PARM1: variants seen among roughly 807,000 people sequenced by gnomAD.
PARM1 encodes prostate androgen-regulated mucin-like protein 1.
A neutral mutation model predicts 24.6 loss-of-function variants in PARM1; 14 were observed. The observed-to-expected ratio is 0.57, with a 90% CI of 0.38 to 0.89. The LOEUF is 0.89. Among genes scored for constraint, PARM1 ranks in the 40% least tolerant of loss-of-function variants. PARM1 has a pLI of 0.00. For synonymous variants in PARM1, 179 were observed against 156.6 expected (o/e 1.14, Z -1.07); for missense variants, 362 against 380.4 (o/e 0.95, Z 0.40).
chr4:74,996,305 A>T (rs1722575573), intron 1 of PARM1, among the ~76,000 whole-genome samples: 1 of 152,174 alleles, frequency 6.6e-6, no homozygotes, highest in African/African-American at 2.4e-5. Context: ...TTTATTCCCA[A>T]CAATTAGCAT....
chr4:74,933,706 A>G (rs1721116942), intron 1 of PARM1, among the ~76,000 whole-genome samples: 1 of 152,168 alleles, frequency 6.6e-6, no homozygotes, highest in African/African-American at 2.4e-5. Flanking sequence ...AGGGTTTCGG[A>G]GCGCACTCTG....
rs963338676 is a variant in PARM1, at chr4:75,012,548, C to T, written c.167C>T (p.Pro56Leu). Reference sequence around the variant, plus strand: ...AACACTGATGCAGACACTGCCTCCCCATCCAACGGCACTCACAACAACTCG... The same window carrying T: ...AACACTGATGCAGACACTGCCTCCCTATCCAACGGCACTCACAACAACTCG... ...PQNTDADTAS[P>L]SNGTHNNSVL... is the part of the protein sequence containing the mutation. The change falls in exon 2 of 4, where the codon CCA becomes CTA. Residue 56 changes from proline to leucine, a missense_variant. Physicochemically the swap from Pro to Leu is moderately conservative, Grantham distance 98. Transcript: ENST00000307428. 5 of 1,613,804 alleles carry T rather than the reference C, an allele frequency of 3.1e-6. No homozygotes were observed. The highest frequency in any genetic ancestry group is 3.4e-6 in the Non-Finnish European group (4 of 1,179,890).
intron 1 of PARM1, among the ~76,000 whole-genome samples, chr4:74,995,212 C>T (rs879211934): frequency 6.6e-6 from 1 of 152,118 alleles, no homozygotes; most frequent in Admixed American, 6.5e-5. Context: ...AAGAGAGTGA[C>T]ATTATGAAAG....
At chr4:75,014,640 A>G (rs1486127806) in intron 2 of PARM1, among the ~76,000 whole-genome samples, 1 of 152,160 alleles carries the variant, frequency 6.6e-6, no homozygotes, top group Non-Finnish European at 1.5e-5. Flanking sequence ...ATATGCAGCA[A>G]GAAGCCAAGA....
intron 3 of PARM1, among the ~76,000 whole-genome samples, chr4:75,038,949 C>G (rs1723421538): frequency 6.6e-6 from 1 of 152,210 alleles, no homozygotes; most frequent in African/African-American, 2.4e-5. Context: ...AAAATAAATG[C>G]AGTCTTGATT....
At chr4:75,029,100 G>A (rs1160866110) in intron 2 of PARM1, among the ~76,000 whole-genome samples, 2 of 152,110 alleles carry the variant, frequency 1.3e-5, no homozygotes, top group African/African-American at 4.8e-5. Context: ...GTGGCGTGCG[G>A]GCCCATGGGG....
rs1722887165 is a variant in PARM1 at position 75,012,437 on chromosome 4, A to G, written c.56A>G (p.Gln19Arg). ...GGCTTTTCCACAGGATGGAGGGTAC[A>G]GAGTCTGCCTACATCAGCTCCTTTG... is the stretch of plus-strand genomic sequence containing the variant. ...LCILTAGWRV[Q>R]SLPTSAPLSV... Residue 19 changes from glutamine to arginine, a missense_variant, in exon 2 of 4, where the codon CAG becomes CGG. Transcript: ENST00000307428. 6.2e-7 allele frequency: 1 copy of G among 1,613,742 alleles called. No homozygotes were observed. Among genetic ancestry groups the G allele is most frequent in the Non-Finnish European group, 8.5e-7 (1 of 1,179,796 alleles).
At chr4:75,039,892 G>A (rs973481645) in intron 3 of PARM1, among the ~76,000 whole-genome samples, 1 of 152,154 alleles carries the variant, frequency 6.6e-6, no homozygotes, top group Non-Finnish European at 1.5e-5. Flanking sequence ...TTCCCAATCT[G>A]GCTAATTTCA....
At chr4:75,020,277 A>G (rs1189188946) in intron 2 of PARM1, among the ~76,000 whole-genome samples, 1 of 152,136 alleles carries the variant, frequency 6.6e-6, no homozygotes. Context: ...AGCTTTACAA[A>G]TATTAGATCA....
intron 1 of PARM1, among the ~76,000 whole-genome samples, chr4:74,991,448 G>T (rs1456109128): frequency 1.3e-5 from 2 of 152,106 alleles, no homozygotes; most frequent in Non-Finnish European, 2.9e-5. Flanking sequence ...TGAGTTGAGA[G>T]GCACAGTTGA....
chr4:74,954,055 A>G (rs1407730358), intron 1 of PARM1, among the ~76,000 whole-genome samples: 1 of 152,226 alleles, frequency 6.6e-6, no homozygotes, highest in Non-Finnish European at 1.5e-5. Context: ...CTAAAAGTAG[A>G]TATGGAATAA....
intron 1 of PARM1, among the ~76,000 whole-genome samples, chr4:74,976,265 C>G (rs1722137188): frequency 6.6e-6 from 1 of 152,214 alleles, no homozygotes; most frequent in South Asian, 2.1e-4. Flanking sequence ...TTCTCCCCTG[C>G]TGGTGCCAGG....
At chr4:74,933,451 A>G in intron 1 of PARM1, 81 bp downstream of exon 1, 1 of 1,260,390 alleles carries the variant, frequency 7.9e-7, no homozygotes, top group Non-Finnish European at 1.2e-6. Context: ...TGAAGCTAGG[A>G]GATCCGGCAG....
At chr4:74,958,578 A>G (rs1004232650) in intron 1 of PARM1, among the ~76,000 whole-genome samples, 1 of 152,242 alleles carries the variant, frequency 6.6e-6, no homozygotes, top group Admixed American at 6.5e-5. Flanking sequence ...AAAGACCGTG[A>G]GGAATTTATG....
At chr4:75,018,943 A>T (rs989433129) in intron 2 of PARM1, among the ~76,000 whole-genome samples, 1 of 152,190 alleles carries the variant, frequency 6.6e-6, no homozygotes, top group African/African-American at 2.4e-5. Context: ...GGAAGAACTG[A>T]TGGGCTTCAG....
chr4:74,999,979 A>G (rs371176254), intron 1 of PARM1, among the ~76,000 whole-genome samples: 2 of 151,968 alleles, frequency 1.3e-5, no homozygotes, highest in Non-Finnish European at 2.9e-5. Flanking sequence ...TCCTGGATGC[A>G]TCTGTGGGTG....
chr4:75,037,644 C>T (rs1380087135), intron 3 of PARM1, among the ~76,000 whole-genome samples: 1 of 152,100 alleles, frequency 6.6e-6, no homozygotes, highest in Non-Finnish European at 1.5e-5. Flanking sequence ...GAACCCAGGG[C>T]CCTTCTTGGT....
intron 1 of PARM1, among the ~76,000 whole-genome samples, chr4:74,982,451 T>A (rs1722276758): frequency 6.6e-6 from 1 of 151,784 alleles, no homozygotes; most frequent in Non-Finnish European, 1.5e-5. Flanking sequence ...CCCCAGAACT[T>A]AAAATAAATA....
chr4:75,010,043 A>G (rs1470471404), intron 1 of PARM1, among the ~76,000 whole-genome samples: 1 of 152,192 alleles, frequency 6.6e-6, no homozygotes, highest in African/African-American at 2.4e-5. Flanking sequence ...TCAAACAGAT[A>G]TTTGTTCACC....
Sources: gnomAD v4.1 joint callset for allele counts (sites outside exome capture counted in the v4.1 genomes callset) on GRCh38, gnomAD v4.1.1 for gene constraint, MANE v1.5 for transcripts, NCBI Gene and HGNC (gene_info 2026-07-23, HGNC 2026-07-21) for gene names.